The following ADAMTS6 variants were observed in gnomAD, a reference collection of about 807,000 sequenced individuals.
The protein encoded by ADAMTS6 is A disintegrin and metalloproteinase with thrombospondin motifs 6.
In ADAMTS6, 23 loss-of-function variants were observed where a neutral mutation model predicts 144.3. The observed-to-expected ratio is 0.16, with a 90% CI of 0.11 to 0.23. The LOEUF (loss-of-function observed/expected upper bound fraction) is 0.23. Ranked by LOEUF, ADAMTS6 falls within the 10% of genes least tolerant of loss-of-function variation. ADAMTS6 has a pLI of 1.00. For synonymous variants in ADAMTS6, 444 were observed against 457.5 expected, an observed-to-expected ratio of 0.97 and a Z score of 0.38; for missense variants, 999 against 1,379.6, an observed-to-expected ratio of 0.72 and a Z score of 4.37.
intron 14 of ADAMTS6, among the ~76,000 whole-genome samples, chr5:65,253,406 G>C (rs138273762): frequency 1.3e-5 from 2 of 152,248 alleles, no homozygotes; most frequent in East Asian, 3.9e-4. Flanking sequence ...TTCAAGAAAA[G>C]TTTTGGGATC....
At chr5:65,205,896 G>A (rs1378064133) in intron 20 of ADAMTS6, among the ~76,000 whole-genome samples, 2 of 152,064 alleles carry the variant, frequency 1.3e-5, no homozygotes, top group East Asian at 3.9e-4. Flanking sequence ...AGGATGCATC[G>A]GAAGGAATAT....
intron 7 of ADAMTS6, among the ~76,000 whole-genome samples, chr5:65,394,137 G>A (rs1753147874): frequency 6.6e-6 from 1 of 152,084 alleles, no homozygotes; most frequent in African/African-American, 2.4e-5. Context: ...TTGATTCTTG[G>A]CAGGCTTGTA....
intron 14 of ADAMTS6, among the ~76,000 whole-genome samples, chr5:65,252,694 A>G (rs79280862): frequency 0.014 from 2,093 of 152,144 alleles, 40 homozygotes; most frequent in African/African-American, 0.046. Flanking sequence ...TATTATTATT[A>G]TATGTAAAAC....
At chr5:65,422,499 GT>G (rs1478887735) in intron 7 of ADAMTS6, among the ~76,000 whole-genome samples, 2 of 152,214 alleles carry the variant, frequency 1.3e-5, no homozygotes, top group Non-Finnish European at 2.9e-5. Flanking sequence ...GCGCATGCCT[GT>G]AATCCCAGCT....
In ADAMTS6 at chr5:65,175,815, C is replaced by T. The variant is rs559205120; in HGVS notation, c.2911-2807G>A. Among the ~76,000 whole-genome samples the T allele has an allele frequency of 8.8e-4, 134 of 151,798 alleles. 2 individuals carry two copies. In the South Asian group the frequency reaches 0.027, roughly 31 times the overall value. On this transcript the variant is annotated intron_variant, in intron 22 of 24. Coordinates refer to ENST00000381055, the MANE Select transcript of ADAMTS6 (RefSeq NM_197941.4). ...TTACCATACAAAGGTCTGACCAGAC[C>T]TAGGAGGAACTCCCTTCAGGACAGG...
intron 9 of ADAMTS6, among the ~76,000 whole-genome samples, chr5:65,318,525 CA>C (rs1228836955): frequency 6.6e-6 from 1 of 152,154 alleles, no homozygotes; most frequent in Non-Finnish European, 1.5e-5. Flanking sequence ...GGTACATATA[CA>C]TAACAGAGTA....
chr5:65,158,538 C>T (rs539536862), intron 24 of ADAMTS6, among the ~76,000 whole-genome samples: 1 of 152,278 alleles, frequency 6.6e-6, no homozygotes, highest in South Asian at 2.1e-4. Flanking sequence ...CTTGAAACTG[C>T]ATGAAAGATG....
At chr5:65,275,806 C>T (rs991423963) in intron 11 of ADAMTS6, among the ~76,000 whole-genome samples, 1 of 151,686 alleles carries the variant, frequency 6.6e-6, no homozygotes, top group Non-Finnish European at 1.5e-5. Context: ...TGAAATATTG[C>T]TCCATGTATC....
At chr5:65,426,279 G>A (rs1252471238) in intron 7 of ADAMTS6, among the ~76,000 whole-genome samples, 2 of 145,996 alleles carry the variant, frequency 1.4e-5, no homozygotes, top group Admixed American at 6.9e-5. Context: ...GGCTGGTCTC[G>A]AACTCCTGAC....
In ADAMTS6 at chr5:65,460,259, C is replaced by G; in HGVS notation, c.542G>C (p.Ser181Thr). Residue 181 changes from serine to threonine, a missense_variant, in exon 4 of 25, where the codon AGT becomes ACT. Ser to Thr is a moderately conservative substitution (Grantham distance 58). Coordinates refer to ENST00000381055, the MANE Select transcript of ADAMTS6 (RefSeq NM_197941.4). ...AACATGAGGGTGGCCATTTTCATAA[C>G]TAAAATGCTTGGAATCCTCTGTGGT... ...KNTTEDSKHF[S>T]YENGHPHVIY... is the part of the protein sequence containing the mutation. 1 of 1,614,014 alleles carries G rather than the reference C, an allele frequency of 6.2e-7. No individual in the cohort carries two copies.
intron 15 of ADAMTS6, among the ~76,000 whole-genome samples, chr5:65,230,270 A>G (rs1485531058): frequency 8.1e-6 from 1 of 122,920 alleles, no homozygotes; most frequent in Non-Finnish European, 1.7e-5. Context: ...GGTAATCACA[A>G]AGCAAAATAC....
chr5:65,291,114 C>T (rs890394162), intron 11 of ADAMTS6, among the ~76,000 whole-genome samples: 3 of 152,042 alleles, frequency 2.0e-5, no homozygotes, highest in Non-Finnish European at 4.4e-5. Context: ...ACCTGCATCC[C>T]TCACAAGAAA....
intron 7 of ADAMTS6, among the ~76,000 whole-genome samples, chr5:65,429,434 A>C (rs1756821286): frequency 6.6e-6 from 1 of 152,186 alleles, no homozygotes; most frequent in African/African-American, 2.4e-5. Context: ...GATGTGATTA[A>C]TATGCATTGC....
At chr5:65,284,140 A>T (rs1730430822) in intron 11 of ADAMTS6, among the ~76,000 whole-genome samples, 1 of 152,134 alleles carries the variant, frequency 6.6e-6, no homozygotes. Flanking sequence ...ATGCAATAAT[A>T]ACTGAATCTT....
chr5:65,447,863 T>C (rs1758391250), intron 7 of ADAMTS6, among the ~76,000 whole-genome samples: 1 of 150,358 alleles, frequency 6.7e-6, no homozygotes, highest in Non-Finnish European at 1.5e-5. Context: ...TATAATAAAC[T>C]ATAGAAATAT....
At chr5:65,310,931 T>G (rs921049142) in intron 9 of ADAMTS6, among the ~76,000 whole-genome samples, 1 of 152,082 alleles carries the variant, frequency 6.6e-6, no homozygotes, top group Non-Finnish European at 1.5e-5. Flanking sequence ...TTTTGGCTCA[T>G]GAATGCAAGC....
intron 7 of ADAMTS6, among the ~76,000 whole-genome samples, chr5:65,346,768 T>C (rs1399029487): frequency 4.6e-5 from 7 of 151,844 alleles, no homozygotes; most frequent in Non-Finnish European, 8.8e-5. Context: ...AAAAAACTGT[T>C]GGAACTAATA....
chr5:65,347,272 G>A (rs934990431), intron 7 of ADAMTS6, among the ~76,000 whole-genome samples: 1 of 151,746 alleles, frequency 6.6e-6, no homozygotes, highest in Non-Finnish European at 1.5e-5. Context: ...CAAAGCTGGA[G>A]GAATTGAACT....
intron 7 of ADAMTS6, among the ~76,000 whole-genome samples, chr5:65,343,870 T>C (rs1748079412): frequency 6.6e-6 from 1 of 151,798 alleles, no homozygotes; most frequent in Admixed American, 6.6e-5. Context: ...GTACAAACAA[T>C]CCATTTAAGG....
Sources: gnomAD v4.1 joint callset for allele counts (sites outside exome capture counted in the v4.1 genomes callset) on GRCh38, gnomAD v4.1.1 for gene constraint, MANE v1.5 for transcripts, NCBI Gene and HGNC (gene_info 2026-07-23, HGNC 2026-07-21) for gene names.